Variants in FGF12 observed in about 807,000 individuals in gnomAD.
FGF12 encodes fibroblast growth factor 12.
A neutral mutation model predicts 23.6 loss-of-function variants in FGF12; 14 were observed. That is an observed-to-expected ratio of 0.59 (90% confidence interval 0.39 to 0.93). The LOEUF (loss-of-function observed/expected upper bound fraction) is 0.93. FGF12 is among the 40% of genes least tolerant of loss of function. FGF12 has a pLI of 0.00. For missense variants in FGF12, 175 were observed against 217.8 expected, an observed-to-expected ratio of 0.80 and a Z score of 1.24; for synonymous variants, 62 against 77.3, an observed-to-expected ratio of 0.80 and a Z score of 1.04.
intron 2 of FGF12, among the ~76,000 whole-genome samples, chr3:192,555,450 C>G (rs1266168259): frequency 6.6e-6 from 1 of 151,686 alleles, no homozygotes; most frequent in Non-Finnish European, 1.5e-5. Flanking sequence ...GATAAAAGTA[C>G]AAAAAATGAC....
intron 2 of FGF12, among the ~76,000 whole-genome samples, chr3:192,578,023 G>T (rs1237536362): frequency 6.6e-6 from 1 of 152,118 alleles, no homozygotes; most frequent in African/African-American, 2.4e-5. Flanking sequence ...GTTATGGTTG[G>T]CGGGGGGCAG....
chr3:192,693,779 G>A (rs1718020056), intron 2 of FGF12, among the ~76,000 whole-genome samples: 1 of 152,054 alleles, frequency 6.6e-6, no homozygotes. Context: ...TAAACACAGA[G>A]CCGTAAAACT....
chr3:192,288,551 T>G (rs946644621), intron 4 of FGF12, among the ~76,000 whole-genome samples: 2 of 152,136 alleles, frequency 1.3e-5, no homozygotes, highest in Non-Finnish European at 2.9e-5. Context: ...GTATCTTAAT[T>G]GATGATTCCA....
At chr3:192,396,970 C>T (rs550928183) in intron 2 of FGF12, among the ~76,000 whole-genome samples, 17 of 152,174 alleles carry the variant, frequency 1.1e-4, no homozygotes, top group Non-Finnish European at 1.8e-4. Flanking sequence ...AAGGGGCAGG[C>T]TCCCAACCAA....
intron 2 of FGF12, among the ~76,000 whole-genome samples, chr3:192,578,750 G>A (rs1389990826): frequency 6.6e-6 from 1 of 152,158 alleles, no homozygotes; most frequent in Non-Finnish European, 1.5e-5. Flanking sequence ...TCCCTGGACA[G>A]TTAATGAGAA....
intron 2 of FGF12, among the ~76,000 whole-genome samples, chr3:192,445,191 A>T (rs1039262811): frequency 3.3e-5 from 5 of 152,226 alleles, no homozygotes; most frequent in African/African-American, 1.2e-4. Context: ...GAGGAGTGTG[A>T]TTTATAGACA....
intron 4 of FGF12, among the ~76,000 whole-genome samples, chr3:192,253,780 A>G (rs1213690922): frequency 6.6e-6 from 1 of 152,086 alleles, no homozygotes; most frequent in East Asian, 1.9e-4. Context: ...GGCTATGAAA[A>G]TTATTCACTT....
intron 4 of FGF12, among the ~76,000 whole-genome samples, chr3:192,286,621 T>C (rs954125962): frequency 1.3e-5 from 2 of 152,070 alleles, no homozygotes; most frequent in South Asian, 4.1e-4. Context: ...TGGAATGAAC[T>C]GATTCTTAAT....
intron 2 of FGF12, among the ~76,000 whole-genome samples, chr3:192,533,569 G>A (rs575623147): frequency 8.7e-4 from 132 of 152,294 alleles, no homozygotes; most frequent in African/African-American, 2.9e-3. Context: ...GGTCTTCAGA[G>A]CTTCTTGAAT....
At chr3:192,499,978 A>C (rs1189176970) in intron 2 of FGF12, among the ~76,000 whole-genome samples, 1 of 152,216 alleles carries the variant, frequency 6.6e-6, no homozygotes, top group Non-Finnish European at 1.5e-5. Flanking sequence ...TGTTGCAATA[A>C]TAACAGCAAG....
intron 4 of FGF12, among the ~76,000 whole-genome samples, chr3:192,328,999 T>C (rs1462968426): frequency 1.3e-5 from 2 of 152,224 alleles, no homozygotes; most frequent in Non-Finnish European, 2.9e-5. Flanking sequence ...TAGTTAATTG[T>C]GCAACAATTG....
In FGF12 at chr3:192,514,038, A is replaced by ATAT. The variant is rs1412984492; in HGVS notation, c.14-153501_14-153500insATA. On this transcript the variant is annotated intron_variant, in intron 2 of 5. Transcript: ENST00000445105. This position sits in a 1 kb window ranked among gnomAD's most constrained non-coding sequence, Gnocchi z 4.9. ...TCAATTTTTAATGGCCTTTCTCAATATCTCAGTTCATTCAAAGGTTCTGAT... is the reference window on the plus strand; with the variant it reads ...TCAATTTTTAATGGCCTTTCTCAATATATTCTCAGTTCATTCAAAGGTTCTGAT... Among the ~76,000 whole-genome samples, 1 of 152,042 alleles carries ATAT rather than the reference A, an allele frequency of 6.6e-6. No homozygotes were observed. Among genetic ancestry groups the ATAT allele is most frequent in the Non-Finnish European group, 1.5e-5 (1 of 68,004 alleles).
At chr3:192,384,214 T>C (rs1334123600) in intron 2 of FGF12, among the ~76,000 whole-genome samples, 1 of 152,058 alleles carries the variant, frequency 6.6e-6, no homozygotes, top group South Asian at 2.1e-4. Flanking sequence ...TAGAAAAAGA[T>C]GAGGTAGAAG....
At chr3:192,238,196 T>C (rs1033771027) in intron 4 of FGF12, 2 of 152,386 alleles carry the variant, frequency 1.3e-5, no homozygotes, top group African/African-American at 4.8e-5. Flanking sequence ...GCACCTGCTG[T>C]GCTGGAGGTG....
At chr3:192,223,422 A>G (rs1303204726) in intron 4 of FGF12, among the ~76,000 whole-genome samples, 1 of 152,208 alleles carries the variant, frequency 6.6e-6, no homozygotes, top group East Asian at 1.9e-4. Context: ...AAAGCTAAAG[A>G]TATAATAATG....
intron 4 of FGF12, among the ~76,000 whole-genome samples, chr3:192,245,783 T>A (rs1205088453): frequency 6.6e-6 from 1 of 152,168 alleles, no homozygotes; most frequent in Non-Finnish European, 1.5e-5. Context: ...TAACAATGCC[T>A]GGGGAGACTC....
At chr3:192,206,432 T>C (rs1717652964) in intron 4 of FGF12, among the ~76,000 whole-genome samples, 1 of 152,176 alleles carries the variant, frequency 6.6e-6, no homozygotes, top group Admixed American at 6.5e-5. Flanking sequence ...GAAAGCTGGA[T>C]TTGACAAAGT....
chr3:192,664,700 G>A (rs967368983), intron 2 of FGF12, among the ~76,000 whole-genome samples: 3 of 151,958 alleles, frequency 2.0e-5, no homozygotes, highest in African/African-American at 7.3e-5. Flanking sequence ...GGGAGGCGGA[G>A]GTTGCAGTGA....
chr3:192,433,851 T>G lies in FGF12; in HGVS notation c.14-73313A>C, dbSNP rs566268052. 2.3e-3 allele frequency among the ~76,000 whole-genome samples: 355 copies of G among 152,356 alleles called. 2 individuals carry two copies. Among genetic ancestry groups the G allele is most frequent in the Non-Finnish European group, 2.0e-3 (134 of 68,024 alleles). On this transcript the variant is annotated intron_variant, in intron 2 of 5. Coordinates refer to ENST00000445105, the MANE Select transcript of FGF12 (RefSeq NM_004113.6). Reference sequence around the variant, plus strand: ...ATGTTCACAACACAATTCAATCTCTTGCCATGCACTTTTGTGCCATGCCCC... The same window carrying G: ...ATGTTCACAACACAATTCAATCTCTGGCCATGCACTTTTGTGCCATGCCCC...
Sources: gnomAD v4.1 joint callset for allele counts (sites outside exome capture counted in the v4.1 genomes callset) on GRCh38, gnomAD v4.1.1 for gene constraint, Gnocchi (gnomAD v3.1) non-coding constraint, MANE v1.5 for transcripts, NCBI Gene and HGNC (gene_info 2026-07-23, HGNC 2026-07-21) for gene names.